SNX29: variants seen among roughly 807,000 people sequenced by gnomAD.
The protein encoded by SNX29 is sorting nexin 29.
SNX29 carries 78 observed loss-of-function variants against 102.1 expected under a neutral mutation model. The observed-to-expected ratio is 0.76, with a 90% CI of 0.64 to 0.92. SNX29 has a LOEUF of 0.92. SNX29 is among the 40% of genes least tolerant of loss of function. The probability of loss-of-function intolerance (pLI) is 0.00; values close to 1 mark genes in which losing one functional copy is unlikely to be tolerated. For synonymous variants in SNX29, 580 were observed against 414.5 expected, an observed-to-expected ratio of 1.40 and a Z score of -4.85; for missense variants, 1,280 against 1,061.7, an observed-to-expected ratio of 1.21 and a Z score of -2.86.
intron 20 of SNX29, among the ~76,000 whole-genome samples, chr16:12,562,811 T>C (rs986368966): frequency 6.6e-6 from 1 of 152,190 alleles, no homozygotes; most frequent in African/African-American, 2.4e-5. Context: ...AACAACTCCT[T>C]TCCCCCCAAA....
chr16:12,172,823 G>A (rs2076178425), intron 13 of SNX29, among the ~76,000 whole-genome samples: 1 of 152,168 alleles, frequency 6.6e-6, no homozygotes, highest in Admixed American at 6.5e-5. Context: ...TGGCACACAG[G>A]GCAGGGGTCA....
intron 18 of SNX29, among the ~76,000 whole-genome samples, chr16:12,416,634 C>T (rs1448665650): frequency 6.6e-6 from 1 of 152,142 alleles, no homozygotes; most frequent in East Asian, 1.9e-4. Flanking sequence ...GTACAAGAAG[C>T]ATGGTGTCAG....
intron 19 of SNX29, among the ~76,000 whole-genome samples, chr16:12,490,670 G>A (rs994322772): frequency 1.1e-4 from 16 of 152,136 alleles, no homozygotes; most frequent in Admixed American, 7.2e-4. Flanking sequence ...TTTAAAGAAA[G>A]AGAAAAAGAA....
At chr16:12,554,592 C>T (rs565167426) in intron 20 of SNX29, among the ~76,000 whole-genome samples, 3 of 152,292 alleles carry the variant, frequency 2.0e-5, no homozygotes, top group African/African-American at 7.2e-5. Flanking sequence ...ACTTGGAGCT[C>T]CCAAGCCAGA....
At chr16:12,334,728 A>G (rs1162871680) in intron 15 of SNX29, among the ~76,000 whole-genome samples, 1 of 152,208 alleles carries the variant, frequency 6.6e-6, no homozygotes, top group Non-Finnish European at 1.5e-5. Flanking sequence ...AAGCTCCCAC[A>G]TAGGTGGGTG....
intron 18 of SNX29, among the ~76,000 whole-genome samples, chr16:12,407,146 G>A (rs1356832185): frequency 2.0e-5 from 3 of 147,934 alleles, no homozygotes; most frequent in African/African-American, 7.4e-5. Flanking sequence ...GGCCATGAAA[G>A]GCCACATCCT....
intron 16 of SNX29, among the ~76,000 whole-genome samples, chr16:12,379,973 G>C (rs530939454): frequency 2.6e-5 from 4 of 152,212 alleles, no homozygotes; most frequent in Middle Eastern, 6.8e-3. Context: ...CTTCAGTATT[G>C]AATGTCACAG....
intron 18 of SNX29, among the ~76,000 whole-genome samples, chr16:12,419,447 G>A (rs574933450): frequency 1.3e-5 from 2 of 152,278 alleles, no homozygotes; most frequent in South Asian, 2.1e-4. Context: ...TCTTGGTTGC[G>A]GGAGGAGGAA....
chr16:12,537,749 A>G (rs1025962763), intron 20 of SNX29, among the ~76,000 whole-genome samples: 1 of 152,284 alleles, frequency 6.6e-6, no homozygotes, highest in Non-Finnish European at 1.5e-5. Context: ...AATGACCTCT[A>G]TCCTATGTGG....
In SNX29 at chr16:12,541,910, C is replaced by G. The variant is rs543753852; in HGVS notation, c.2318+17069C>G. 5.3e-5 allele frequency among the ~76,000 whole-genome samples: 8 copies of G among 152,290 alleles called. No homozygotes were observed. In the South Asian group the frequency reaches 1.7e-3, roughly 32 times the overall value. On this transcript the variant is annotated intron_variant, in intron 20 of 20. Coordinates refer to ENST00000566228, the MANE Select transcript of SNX29 (RefSeq NM_032167.5). ...TTTATGATGATGCAACAGATGTTTTCCACTGATTGCCCACGGTACATCCTG... is the reference window on the plus strand; with the variant it reads ...TTTATGATGATGCAACAGATGTTTTGCACTGATTGCCCACGGTACATCCTG...
intron 18 of SNX29, among the ~76,000 whole-genome samples, chr16:12,431,841 T>A (rs992828258): frequency 6.6e-6 from 1 of 152,212 alleles, no homozygotes; most frequent in Non-Finnish European, 1.5e-5. Context: ...CTTTCTGAAG[T>A]CTTGTTCCTT....
chr16:12,436,876 C>T (rs984960410), intron 18 of SNX29, among the ~76,000 whole-genome samples: 1 of 152,228 alleles, frequency 6.6e-6, no homozygotes, highest in Non-Finnish European at 1.5e-5. Flanking sequence ...TGGTTTCGAA[C>T]TACTGGCCTC....
At chr16:12,369,134 T>C (rs531652672) in intron 16 of SNX29, among the ~76,000 whole-genome samples, 3 of 151,510 alleles carry the variant, frequency 2.0e-5, no homozygotes, top group African/African-American at 7.3e-5. Flanking sequence ...ATTAGCATGT[T>C]CATATCTTTT....
rs147692775 is a variant in SNX29 at position 12,532,303 on chromosome 16, C to A, written c.2318+7462C>A. On this transcript the variant is annotated intron_variant, in intron 20 of 20. Coordinates refer to ENST00000566228, the MANE Select transcript of SNX29 (RefSeq NM_032167.5). ...TAAGTCCTTAAATTGGCATTCTGGA[C>A]ACCAGACTCTGTAGCGTCATGAGCC... is the stretch of plus-strand genomic sequence containing the variant. Among the ~76,000 whole-genome samples the A allele has an allele frequency of 2.2e-3, 333 of 152,354 alleles. 3 individuals are homozygous for A. The highest frequency in any genetic ancestry group is 7.8e-3 in the African/African-American group (326 of 41,582).
At chr16:12,530,919 G>T (rs2076914738) in intron 20 of SNX29, among the ~76,000 whole-genome samples, 1 of 152,084 alleles carries the variant, frequency 6.6e-6, no homozygotes, top group Non-Finnish European at 1.5e-5. Flanking sequence ...CACCGTAATG[G>T]CTGTTTCATA....
chr16:12,074,730 C>T (rs899152821), intron 10 of SNX29, among the ~76,000 whole-genome samples: 4 of 152,164 alleles, frequency 2.6e-5, no homozygotes, highest in Non-Finnish European at 4.4e-5. Flanking sequence ...AGATTGGGGA[C>T]GTTCTCCTGG....
chr16:12,381,007 TCCAC>T (rs2083100517), intron 16 of SNX29, among the ~76,000 whole-genome samples: 1 of 28,130 alleles, frequency 3.6e-5, no homozygotes, highest in Non-Finnish European at 6.4e-5. Context: ...CCACCATCCA[TCCAC>T]CCACCCACCA....
At chr16:12,130,822 G>A (rs1040288986) in intron 13 of SNX29, among the ~76,000 whole-genome samples, 6 of 151,886 alleles carry the variant, frequency 4.0e-5, no homozygotes, top group African/African-American at 9.7e-5. Context: ...GTTGGTCTGC[G>A]TGGGGCTGCC....
At chr16:12,427,754 G>T (rs1243949831) in intron 18 of SNX29, among the ~76,000 whole-genome samples, 1 of 152,208 alleles carries the variant, frequency 6.6e-6, no homozygotes, top group East Asian at 1.9e-4. Context: ...TGAACATCAG[G>T]ATTCTCTATG....
Sources: allele counts gnomAD v4.1 joint callset (sites outside exome capture counted in the v4.1 genomes callset), GRCh38; gene constraint gnomAD v4.1.1; transcripts MANE v1.5; gene names NCBI Gene and HGNC (gene_info 2026-07-23, HGNC 2026-07-21).